Variants in DGKB observed in about 807,000 individuals in gnomAD.
DGKB encodes the protein 90 kDa diacylglycerol kinase.
In DGKB, 67 loss-of-function variants were observed where a neutral mutation model predicts 114.3. The ratio of observed to expected loss-of-function variants is 0.59; its 90% CI spans 0.48 to 0.72. DGKB has a LOEUF of 0.72. Among genes scored for constraint, DGKB ranks in the 30% least tolerant of loss-of-function variants. The pLI is 0.00. For synonymous variants in DGKB, 398 were observed against 323.1 expected, an observed-to-expected ratio of 1.23 and a Z score of -2.49; for missense variants, 907 against 975.2, an observed-to-expected ratio of 0.93 and a Z score of 0.93.
chr7:14,714,394 T>C (rs1374230240), intron 6 of DGKB, among the ~76,000 whole-genome samples: 6 of 151,998 alleles, frequency 3.9e-5, no homozygotes, highest in African/African-American at 1.4e-4. Flanking sequence ...GCAGAGTAGG[T>C]TGGGGTCAAA....
chr7:14,316,191 A>G (rs1056870427), intron 23 of DGKB, among the ~76,000 whole-genome samples: 1 of 152,158 alleles, frequency 6.6e-6, no homozygotes, highest in Non-Finnish European at 1.5e-5. Flanking sequence ...GGAAAGATCC[A>G]AAACTGACAC....
intron 13 of DGKB, among the ~76,000 whole-genome samples, chr7:14,641,092 A>G (rs556926501): frequency 6.6e-6 from 1 of 152,278 alleles, no homozygotes; most frequent in East Asian, 1.9e-4. Context: ...GTGGCAATTT[A>G]GTTTCACCAG....
chr7:14,458,605 C>A (rs1223796562), intron 21 of DGKB, among the ~76,000 whole-genome samples: 2 of 152,156 alleles, frequency 1.3e-5, no homozygotes, highest in Non-Finnish European at 2.9e-5. Flanking sequence ...GGTCAGAGAA[C>A]TCCCTCCCAT....
At chr7:14,957,203 G>C (rs988161968) in intron 1 of DGKB, among the ~76,000 whole-genome samples, 1 of 151,854 alleles carries the variant, frequency 6.6e-6, no homozygotes, top group Non-Finnish European at 1.5e-5. Flanking sequence ...TAAAAAGAGG[G>C]TTCCCCAGAC....
chr7:14,338,567 A>G lies in DGKB; in HGVS notation c.2070T>C (p.Ser690=), dbSNP rs1469274272. 8.1e-6 allele frequency: 13 copies of G among 1,608,224 alleles called. No homozygotes were observed. In the Admixed American group the frequency reaches 8.4e-5, roughly 10 times the overall value. Residue 690 remains serine (S), a synonymous_variant, in exon 23 of 26, where the codon TCT becomes TCC. Coordinates refer to ENST00000402815, the MANE Select transcript of DGKB (RefSeq NM_001350709.2). ...RSHRRIEKKG[S]DKRTTVTDAK... ...CATCTGTGACGGTGGTCCTTTTGTCAGACCCTTTTTTCTCTATTCGTCGAT... is the reference window on the plus strand; with the variant it reads ...CATCTGTGACGGTGGTCCTTTTGTCGGACCCTTTTTTCTCTATTCGTCGAT...
chr7:14,770,694 T>A (rs1837279089), intron 2 of DGKB, among the ~76,000 whole-genome samples: 1 of 152,050 alleles, frequency 6.6e-6, no homozygotes, highest in African/African-American at 2.4e-5. Flanking sequence ...ATCCAAGAGA[T>A]CTTTATGCCT....
intron 1 of DGKB, among the ~76,000 whole-genome samples, chr7:14,873,972 C>A (rs1852873364): frequency 6.6e-6 from 1 of 151,964 alleles, no homozygotes; most frequent in Non-Finnish European, 1.5e-5. Context: ...TGCTGTATTA[C>A]TAACAATGAA....
chr7:14,743,279 G>GTAA, intron 4 of DGKB, among the ~76,000 whole-genome samples: 1 of 152,284 alleles, frequency 6.6e-6, no homozygotes, highest in South Asian at 2.1e-4. Flanking sequence ...AGATTTTCAT[G>GTAA]TGCCTTGTAA....
chr7:14,684,469 T>C (rs957543668), intron 10 of DGKB, among the ~76,000 whole-genome samples: 4 of 152,194 alleles, frequency 2.6e-5, no homozygotes, highest in African/African-American at 9.6e-5. Flanking sequence ...TTATAATATC[T>C]ACCCTTTTTT....
intron 4 of DGKB, among the ~76,000 whole-genome samples, chr7:14,746,683 G>T (rs1833337130): frequency 6.6e-6 from 1 of 152,020 alleles, no homozygotes; most frequent in Admixed American, 6.6e-5. Flanking sequence ...ATTTTTAGTA[G>T]AGACAGGGTT....
At chr7:14,728,979 C>T (rs1380277398) in intron 5 of DGKB, among the ~76,000 whole-genome samples, 2 of 152,050 alleles carry the variant, frequency 1.3e-5, no homozygotes, top group African/African-American at 4.8e-5. Flanking sequence ...GGATTACAAG[C>T]ATGAACCACT....
At chr7:14,881,077 T>C (rs1854157024) in intron 1 of DGKB, among the ~76,000 whole-genome samples, 1 of 152,162 alleles carries the variant, frequency 6.6e-6, no homozygotes, top group African/African-American at 2.4e-5. Flanking sequence ...TTTACAGTAA[T>C]TTACAGAGTT....
chr7:14,693,970 C>A, intron 9 of DGKB, 105 bp downstream of exon 9: 3 of 1,342,236 alleles, frequency 2.2e-6, no homozygotes, highest in Non-Finnish European at 3.0e-6. Context: ...GCACTCACTG[C>A]ATGCTTAATG....
chr7:14,613,537 G>A (rs1805957908), intron 15 of DGKB, 124 bp from the exon 16 acceptor site: 2 of 629,896 alleles, frequency 3.2e-6, no homozygotes, highest in Non-Finnish European at 5.7e-6. Context: ...TCCACAATGT[G>A]TGTGTGTGCA....
At chr7:14,376,688 G>T (rs1290164911) in intron 21 of DGKB, among the ~76,000 whole-genome samples, 5 of 152,074 alleles carry the variant, frequency 3.3e-5, no homozygotes, top group African/African-American at 1.2e-4. Flanking sequence ...ACTCCCCCCA[G>T]CCCCTTCAGT....
chr7:14,647,520 C>A (rs1267523054), intron 13 of DGKB, among the ~76,000 whole-genome samples: 2 of 152,148 alleles, frequency 1.3e-5, no homozygotes, highest in Non-Finnish European at 2.9e-5. Context: ...GAAACACAGA[C>A]ACAAAACAAC....
chr7:14,852,599 G>A (rs184986357), intron 1 of DGKB, among the ~76,000 whole-genome samples: 1 of 149,268 alleles, frequency 6.7e-6, no homozygotes, highest in African/African-American at 2.5e-5. Flanking sequence ...TGTTATATTT[G>A]TTTTTGTCTT....
rs1296084993 is a variant in DGKB at position 14,698,339 on chromosome 7, GA to G, written c.517-171del. Among the ~76,000 whole-genome samples, 9 of 152,024 alleles carry G rather than the reference GA, an allele frequency of 5.9e-5. 1 individual carries two copies. Among genetic ancestry groups the G allele is most frequent in the Admixed American group, 5.9e-4 (9 of 15,280 alleles). ...TTAAAGGTCTAATTAACTATATAAA[GA>G]AAAAAGAATCCTGAATATAAATTTA... On this transcript the variant is annotated intron_variant, in intron 7 of 25. Coordinates refer to ENST00000402815, the MANE Select transcript of DGKB (RefSeq NM_001350709.2).
At chr7:14,702,656 G>A (rs915040080) in intron 6 of DGKB, among the ~76,000 whole-genome samples, 1 of 152,190 alleles carries the variant, frequency 6.6e-6, no homozygotes, top group Middle Eastern at 3.4e-3. Context: ...ATGGAAGTAC[G>A]GGTTTGTCTT....
Sources: gnomAD v4.1 joint callset for allele counts (sites outside exome capture counted in the v4.1 genomes callset) on GRCh38, gnomAD v4.1.1 for gene constraint, MANE v1.5 for transcripts, NCBI Gene and HGNC (gene_info 2026-07-23, HGNC 2026-07-21) for gene names.